Variants in F13A1 observed in about 807,000 individuals in gnomAD.
F13A1 encodes coagulation factor XIII A chain.
F13A1 carries 47 observed loss-of-function variants against 80.1 expected under a neutral mutation model. That is an observed-to-expected ratio of 0.59 (90% CI 0.46 to 0.75). The LOEUF (loss-of-function observed/expected upper bound fraction) is 0.75, where lower values mean the gene tolerates loss of function less well. Among genes scored for constraint, F13A1 ranks in the 30% least tolerant of loss-of-function variants. The probability of loss-of-function intolerance (pLI) is 0.00; values close to 1 mark genes in which losing one functional copy is unlikely to be tolerated. For missense variants in F13A1, 817 were observed against 930.4 expected (o/e 0.88, Z 1.59); for synonymous variants, 349 against 344.9 (o/e 1.01, Z -0.13).
intron 2 of F13A1, among the ~76,000 whole-genome samples, chr6:6,306,647 G>T (rs1758516251): frequency 2.0e-5 from 3 of 152,230 alleles, no homozygotes; most frequent in Admixed American, 2.0e-4. Flanking sequence ...ATTGTAAAGA[G>T]TTATTGGGGA....
intron 4 of F13A1, among the ~76,000 whole-genome samples, chr6:6,263,163 C>T (rs576795336): frequency 2.0e-5 from 3 of 152,330 alleles, no homozygotes; most frequent in East Asian, 1.9e-4. Flanking sequence ...CTTTGACCTT[C>T]GCTTCAACAT....
chr6:6,183,813 T>C (rs1761029913), intron 10 of F13A1, among the ~76,000 whole-genome samples: 1 of 152,186 alleles, frequency 6.6e-6, no homozygotes. Context: ...AAAGTGCATG[T>C]TAATCTCTAT....
intron 12 of F13A1, among the ~76,000 whole-genome samples, chr6:6,169,657 T>G (rs6934608): frequency 0.086 from 13,056 of 152,172 alleles, 735 homozygotes; most frequent in African/African-American, 0.15. Flanking sequence ...ACTTTTTGAT[T>G]GTCACAACTG....
At chr6:6,274,430 G>A (rs768818197) in intron 3 of F13A1, among the ~76,000 whole-genome samples, 3 of 152,206 alleles carry the variant, frequency 2.0e-5, no homozygotes, top group Admixed American at 6.5e-5. Context: ...GTCACCTGAT[G>A]CTGACTACCT....
At chr6:6,263,063 G>T (rs570838388) in intron 4 of F13A1, among the ~76,000 whole-genome samples, 2 of 152,166 alleles carry the variant, frequency 1.3e-5, no homozygotes, top group Non-Finnish European at 2.9e-5. Context: ...GTGAACCACC[G>T]TCCTCTCTCT....
chr6:6,218,482 C>T (rs149652691), intron 8 of F13A1, among the ~76,000 whole-genome samples: 31 of 152,302 alleles, frequency 2.0e-4, no homozygotes, highest in African/African-American at 7.0e-4. Context: ...TGGGGACAGG[C>T]GGCCGAAATT....
chr6:6,167,361 T>A, intron 13 of F13A1, 97 bp downstream of exon 13: 2 of 1,211,924 alleles, frequency 1.7e-6, no homozygotes, highest in Non-Finnish European at 2.4e-6. Context: ...AGGACATTCA[T>A]TCACACACAC....
At chr6:6,258,999 T>C (rs1757742454) in intron 4 of F13A1, among the ~76,000 whole-genome samples, 1 of 152,186 alleles carries the variant, frequency 6.6e-6, no homozygotes, top group Admixed American at 6.5e-5. Context: ...AGGAGCTCAT[T>C]TGTAAAATCC....
chr6:6,224,859 A>G lies in F13A1; in HGVS notation c.800T>C (p.Val267Ala). ...GACACCTTCGTCATCTTTGGCATTC[A>G]CCTAAATGAGTCCGTGAGAAGTGAG... ...IKVSRVGSAM[V>A]NAKDDEGVLV... Residue 267 changes from valine (V) to alanine (A), a missense_variant and splice_region_variant, in exon 7 of 15, where the codon GTG (valine) becomes GCG (alanine). By Grantham distance (64) the Val-to-Ala change is moderately conservative (BLOSUM62 0). Coordinates refer to ENST00000264870, the MANE Select transcript of F13A1 (RefSeq NM_000129.4). 3 of 1,614,016 alleles carry G rather than the reference A, an allele frequency of 1.9e-6. No individual in the cohort carries two copies. Among genetic ancestry groups the G allele is most frequent in the Non-Finnish European group, 2.5e-6 (3 of 1,179,900 alleles).
At chr6:6,202,026 AAAATC>A (rs1761404464) in intron 8 of F13A1, among the ~76,000 whole-genome samples, 2 of 152,198 alleles carry the variant, frequency 1.3e-5, no homozygotes, top group Admixed American at 1.3e-4. Context: ...ATATATATAT[AAAATC>A]AAATCACATT....
intron 6 of F13A1, among the ~76,000 whole-genome samples, chr6:6,235,819 A>G (rs891781114): frequency 4.6e-5 from 7 of 152,104 alleles, no homozygotes; most frequent in African/African-American, 1.7e-4. Context: ...ACGTCTATAC[A>G]AAGACTTTTA....
In F13A1 at chr6:6,250,670, T is replaced by C; in HGVS notation, c.690+141A>G. 1 of 681,962 alleles carries C rather than the reference T, an allele frequency of 1.5e-6. No individual in the cohort carries two copies. Among genetic ancestry groups the C allele is most frequent in the Non-Finnish European group, 2.7e-6 (1 of 377,128 alleles). The allele number at this position is 681,962 out of a possible 1,614,324, so 42.2% of individuals were successfully genotyped here. A position where few individuals can be genotyped will look rare whatever the true frequency, so the allele number is the denominator to read the frequency against. ...TCTTTATGAGTCCCTACTCCTATGC[T>C]CTCTGCCTTGGAGTCTCAGATCCTA... On this transcript the variant is annotated intron_variant, in intron 5 of 14. Transcript: ENST00000264870. The surrounding 1 kb of genome is among the most constrained non-coding windows in gnomAD (Gnocchi z 4.2).
intron 11 of F13A1, among the ~76,000 whole-genome samples, chr6:6,178,509 G>C (rs1329027146): frequency 6.6e-6 from 1 of 152,142 alleles, no homozygotes; most frequent in African/African-American, 2.4e-5. Context: ...GTGAGGGAGA[G>C]AGTGAGAGGT....
intron 1 of F13A1, among the ~76,000 whole-genome samples, chr6:6,319,439 C>T (rs1257554033): frequency 1.3e-5 from 2 of 152,122 alleles, no homozygotes; most frequent in Admixed American, 6.5e-5. Flanking sequence ...TCAGGGTTGC[C>T]AACATTTCCC....
chr6:6,224,671 C>G lies in F13A1; in HGVS notation c.973+15G>C. 6.2e-7 allele frequency: 1 copy of G among 1,611,764 alleles called. No individual in the cohort carries two copies. ...TCCTTTATATTAAAAAGAAATTACT[C>G]AGTTGGATACTTACATGTGTTAAAG... On this transcript the variant is annotated intron_variant, in intron 7 of 14. Transcript: ENST00000264870.
chr6:6,185,127 CTCTT>C (rs1299932192), intron 10 of F13A1, among the ~76,000 whole-genome samples: 3 of 131,894 alleles, frequency 2.3e-5, no homozygotes, highest in South Asian at 2.3e-4. Context: ...CTGAATCTCT[CTCTT>C]TTTTTTTTTT....
chr6:6,315,897 A>C (rs3024330), intron 2 of F13A1, among the ~76,000 whole-genome samples: 18,066 of 150,982 alleles, frequency 0.12, 1,259 homozygotes, highest in South Asian at 0.17. Context: ...TTTAAAAATG[A>C]GTGTTCTTTC....
At chr6:6,319,702 C>G (rs1478527096) in intron 1 of F13A1, among the ~76,000 whole-genome samples, 1 of 152,104 alleles carries the variant, frequency 6.6e-6, no homozygotes, top group African/African-American at 2.4e-5. Flanking sequence ...ATTATAGAGG[C>G]CACCAGAGTA....
intron 8 of F13A1, among the ~76,000 whole-genome samples, chr6:6,220,485 G>A (rs984140576): frequency 2.6e-5 from 4 of 151,972 alleles, no homozygotes; most frequent in African/African-American, 9.7e-5. Context: ...ATGATGGGAG[G>A]TACCTGAATC....
Sources: gnomAD v4.1 joint callset for allele counts (sites outside exome capture counted in the v4.1 genomes callset) on GRCh38, gnomAD v4.1.1 for gene constraint, Gnocchi (gnomAD v3.1) non-coding constraint, MANE v1.5 for transcripts, NCBI Gene and HGNC (gene_info 2026-07-23, HGNC 2026-07-21) for gene names.